RAB3C: variants seen among roughly 807,000 people sequenced by gnomAD.
RAB3C encodes the protein ras-related protein Rab-3C.
Under a neutral mutation model 26.4 loss-of-function variants are expected in RAB3C, and 17 were observed. The ratio of observed to expected loss-of-function variants is 0.64; its 90% CI spans 0.44 to 0.97. The LOEUF (loss-of-function observed/expected upper bound fraction) is 0.97. RAB3C is among the 50% of genes least tolerant of loss of function. The probability of loss-of-function intolerance (pLI) is 0.00; values close to 1 mark genes in which losing one functional copy is unlikely to be tolerated. For synonymous variants in RAB3C, 91 were observed against 95.9 expected, an observed-to-expected ratio of 0.95 and a Z score of 0.30; for missense variants, 242 against 281.9, an observed-to-expected ratio of 0.86 and a Z score of 1.01.
At chr5:58,810,247 AG>A (rs1344559600) in intron 3 of RAB3C, among the ~76,000 whole-genome samples, 1 of 152,220 alleles carries the variant, frequency 6.6e-6, no homozygotes, top group Non-Finnish European at 1.5e-5. Flanking sequence ...CTTAGCATAC[AG>A]GACACAGCAC....
At chr5:58,673,926 G>A (rs936188540) in intron 2 of RAB3C, among the ~76,000 whole-genome samples, 2 of 152,132 alleles carry the variant, frequency 1.3e-5, no homozygotes, top group African/African-American at 4.8e-5. Context: ...AAGAAACATA[G>A]AGAAATATAT....
chr5:58,701,105 C>T (rs978801404), intron 2 of RAB3C, among the ~76,000 whole-genome samples: 5 of 152,072 alleles, frequency 3.3e-5, no homozygotes, highest in Non-Finnish European at 7.4e-5. Flanking sequence ...ACAACATTCT[C>T]CCGCCTCAGC....
rs1744130504 is a variant in RAB3C, at chr5:58,852,268, C to G, written c.*917C>G. 1 of 152,190 alleles carries G rather than the reference C, an allele frequency of 6.6e-6. No individual in the cohort carries two copies. Among genetic ancestry groups the G allele is most frequent in the Non-Finnish European group, 1.5e-5 (1 of 68,070 alleles). The allele number at this position is 152,190 out of a possible 1,614,324, so 9.4% of individuals were successfully genotyped here. On this transcript the variant is annotated 3_prime_UTR_variant, in exon 5 of 5. Coordinates refer to ENST00000282878, the MANE Select transcript of RAB3C (RefSeq NM_138453.4). The stretch of plus-strand genomic sequence containing the variant: ...CAACCCCCATAATGCACACCACCAC[C>G]ACCATCACTTTCTGGAACCATCACC...
Position 58,822,851 on chromosome 5 carries a change from A to G in RAB3C, c.372-2187A>G, listed in dbSNP as rs1743374154. On this transcript the variant is annotated intron_variant, in intron 3 of 4. Transcript: ENST00000282878. ...CCACGGGCTTCTCGGTAGGTTTGGCATGGACAGGATCTATGAAGGCCAAGT... is the reference window on the plus strand; with the variant it reads ...CCACGGGCTTCTCGGTAGGTTTGGCGTGGACAGGATCTATGAAGGCCAAGT... 1.1e-5 allele frequency: 7 copies of G among 637,726 alleles called. No homozygotes were observed. The Admixed American group carries it at 1.3e-4, about 12-fold the overall frequency. The allele number at this position is 637,726 out of a possible 1,614,324, so 39.5% of individuals were successfully genotyped here.
intron 1 of RAB3C, among the ~76,000 whole-genome samples, chr5:58,611,814 A>G (rs1387069140): frequency 6.6e-6 from 1 of 152,106 alleles, no homozygotes; most frequent in Non-Finnish European, 1.5e-5. Flanking sequence ...GCCTGCTCCT[A>G]TGTCAATAAT....
rs764017723 is a variant in RAB3C at position 58,833,783 on chromosome 5, T to C, written c.496+8621T>C. The stretch of plus-strand genomic sequence containing the variant: ...AAGAACTAGTCTTAAATCTAAGCAA[T>C]GCAATCCATAATTTTAAATATGACA... On this transcript the variant is annotated intron_variant, in intron 4 of 4. Transcript: ENST00000282878. Among the ~76,000 whole-genome samples the C allele has an allele frequency of 8.7e-4, 133 of 152,298 alleles. 4 individuals carry two copies. The highest frequency in any genetic ancestry group is 6.8e-3 in the Middle Eastern group (2 of 294).
chr5:58,784,116 C>T (rs1179312623), intron 3 of RAB3C, among the ~76,000 whole-genome samples: 1 of 152,038 alleles, frequency 6.6e-6, no homozygotes, highest in Admixed American at 6.6e-5. Flanking sequence ...CCCACCTTCC[C>T]CTCTCCTGTT....
intron 3 of RAB3C, among the ~76,000 whole-genome samples, chr5:58,792,133 C>A (rs953939633): frequency 5.3e-5 from 8 of 152,206 alleles, no homozygotes; most frequent in Non-Finnish European, 7.3e-5. Context: ...GGGTTTGTTT[C>A]TTTGCATGGC....
chr5:58,820,157 A>T (rs1743307660), intron 3 of RAB3C, among the ~76,000 whole-genome samples: 1 of 152,034 alleles, frequency 6.6e-6, no homozygotes, highest in Admixed American at 6.6e-5. Flanking sequence ...CTAAGAAGGG[A>T]AGATACAAAC....
intron 3 of RAB3C, among the ~76,000 whole-genome samples, chr5:58,765,455 G>A (rs1741881257): frequency 1.3e-5 from 2 of 152,120 alleles, no homozygotes; most frequent in South Asian, 2.1e-4. Flanking sequence ...TTTTAGAAAT[G>A]TAACAAACGC....
At chr5:58,664,173 G>A (rs542088168) in intron 2 of RAB3C, among the ~76,000 whole-genome samples, 41 of 152,196 alleles carry the variant, frequency 2.7e-4, no homozygotes, top group African/African-American at 8.2e-4. Context: ...CTGTACGTAC[G>A]TATTTATAAC....
At chr5:58,627,165 T>C (rs974613272) in intron 2 of RAB3C, among the ~76,000 whole-genome samples, 3 of 152,194 alleles carry the variant, frequency 2.0e-5, no homozygotes, top group Non-Finnish European at 4.4e-5. Flanking sequence ...TATAAATCAC[T>C]GGATCCACAG....
chr5:58,721,817 C>T (rs1157531076), intron 2 of RAB3C, among the ~76,000 whole-genome samples: 2 of 151,718 alleles, frequency 1.3e-5, no homozygotes, highest in African/African-American at 4.8e-5. Flanking sequence ...TTCTTATTCT[C>T]CCTGAGAGCT....
intron 2 of RAB3C, among the ~76,000 whole-genome samples, chr5:58,693,345 T>TATATATATATATATATATACAC (rs1561291369): frequency 3.6e-5 from 5 of 140,174 alleles, no homozygotes; most frequent in African/African-American, 1.4e-4. Context: ...TGTATATATA[T>TATATATATATATATATATACAC]ATATATATAT....
At chr5:58,832,155 C>A (rs930347295) in intron 4 of RAB3C, among the ~76,000 whole-genome samples, 1 of 152,188 alleles carries the variant, frequency 6.6e-6, no homozygotes, top group Admixed American at 6.5e-5. Context: ...CATGCTGAAG[C>A]TTTCATGCAC....
rs866629260 is a variant in RAB3C, at chr5:58,854,953, C to T, written c.*3602C>T. On this transcript the variant is annotated 3_prime_UTR_variant, in exon 5 of 5. Transcript: ENST00000282878. ...CAATTTAAACTTTCAATTTTAAATACATCTATGCTGACGATAGACTTTCGG... is the reference window on the plus strand; with the variant it reads ...CAATTTAAACTTTCAATTTTAAATATATCTATGCTGACGATAGACTTTCGG... 4 of 152,194 alleles carry T rather than the reference C, an allele frequency of 2.6e-5. No individual in the cohort carries two copies. The highest frequency in any genetic ancestry group is 4.1e-4 in the South Asian group (2 of 4,822). 9.4% of individuals were successfully genotyped at this position (152,194 alleles called of 1,614,324 possible).
At chr5:58,824,948 C>A in intron 3 of RAB3C, 90 bp from the exon 4 acceptor site, 1 of 866,072 alleles carries the variant, frequency 1.2e-6, no homozygotes, top group Non-Finnish European at 1.7e-6. Context: ...CTTTTGCTAC[C>A]ATCATCATCT....
Position 58,646,214 on chromosome 5 carries a change from C to A in RAB3C, c.252+28344C>A, listed in dbSNP as rs146227979. 1.2e-3 allele frequency among the ~76,000 whole-genome samples: 189 copies of A among 152,248 alleles called. 1 individual carries two copies. Among genetic ancestry groups the A allele is most frequent in the South Asian group, 8.1e-3 (39 of 4,812 alleles). On this transcript the variant is annotated intron_variant, in intron 2 of 4. Coordinates refer to ENST00000282878, the MANE Select transcript of RAB3C (RefSeq NM_138453.4). ...AGGGGCCCCCTTTCTGTTCTCATAG[C>A]GTCTTCTCTCACTGCACCTAGCATA...
rs576877077 is a variant in RAB3C, at chr5:58,681,075, C to G, written c.253-44927C>G. 2.0e-5 allele frequency among the ~76,000 whole-genome samples: 3 copies of G among 152,048 alleles called. No homozygotes were observed. The South Asian group carries it at 6.2e-4, about 32-fold the overall frequency. On this transcript the variant is annotated intron_variant, in intron 2 of 4. Transcript: ENST00000282878. ...CCATCAATAGAGAACTGATTATGTTCATGAAGAAAATATATGCTGTTTATG... is the reference window on the plus strand; with the variant it reads ...CCATCAATAGAGAACTGATTATGTTGATGAAGAAAATATATGCTGTTTATG...
Sources: gnomAD v4.1 joint callset for allele counts (sites outside exome capture counted in the v4.1 genomes callset) on GRCh38, gnomAD v4.1.1 for gene constraint, MANE v1.5 for transcripts, NCBI Gene and HGNC (gene_info 2026-07-23, HGNC 2026-07-21) for gene names.